Variants in USP47 observed in about 807,000 individuals in gnomAD.
The protein encoded by USP47 is ubiquitin specific peptidase 47.
Under a neutral mutation model 165.1 loss-of-function variants are expected in USP47, and 35 were observed. The ratio of observed to expected loss-of-function variants is 0.21; its 90% CI spans 0.16 to 0.28. USP47 has a LOEUF of 0.28. Among genes scored for constraint, USP47 ranks in the 10% least tolerant of loss-of-function variants. The pLI is 1.00. For missense variants in USP47, 1,277 were observed against 1,607.4 expected (o/e 0.79, Z 3.52); for synonymous variants, 531 against 544.5 (o/e 0.98, Z 0.35).
At chr11:11,870,393 AAACTC>A (rs1256721262) in intron 1 of USP47, among the ~76,000 whole-genome samples, 1 of 152,176 alleles carries the variant, frequency 6.6e-6, no homozygotes, top group African/African-American at 2.4e-5. Flanking sequence ...TCTTTAATAA[AAACTC>A]AAGAGAAGGA....
At chr11:11,886,710 C>T (rs1479553701) in intron 3 of USP47, among the ~76,000 whole-genome samples, 1 of 152,128 alleles carries the variant, frequency 6.6e-6, no homozygotes, top group Non-Finnish European at 1.5e-5. Flanking sequence ...TCTAGCAAGA[C>T]AGGCCAACAT....
intron 5 of USP47, among the ~76,000 whole-genome samples, chr11:11,900,906 C>T (rs1852184277): frequency 6.6e-6 from 1 of 152,138 alleles, no homozygotes; most frequent in East Asian, 1.9e-4. Flanking sequence ...GAAATTTGAG[C>T]ATTTTCTGTT....
intron 1 of USP47, among the ~76,000 whole-genome samples, chr11:11,853,702 A>G (rs776233886): frequency 6.6e-6 from 1 of 152,242 alleles, no homozygotes; most frequent in Non-Finnish European, 1.5e-5. Flanking sequence ...TAAAGTATCC[A>G]TGTATATGAA....
intron 16 of USP47, among the ~76,000 whole-genome samples, chr11:11,935,840 T>A (rs1449905567): frequency 6.6e-6 from 1 of 151,934 alleles, no homozygotes; most frequent in Non-Finnish European, 1.5e-5. Flanking sequence ...GTGATGGCTT[T>A]ATGAGACATG....
chr11:11,880,405 A>C (rs768003820), intron 2 of USP47, 25 bp downstream of exon 2: 18 of 1,268,712 alleles, frequency 1.4e-5, no homozygotes, highest in Non-Finnish European at 1.7e-5. Flanking sequence ...TTAAGCTTCT[A>C]AAAATGTTAT....
chr11:11,844,328 T>C (rs1848307745), intron 1 of USP47, among the ~76,000 whole-genome samples: 1 of 152,252 alleles, frequency 6.6e-6, no homozygotes, highest in African/African-American at 2.4e-5. Flanking sequence ...CTTTCTCTTC[T>C]TTTTTGTATT....
chr11:11,913,486 G>T (rs1464174422), intron 8 of USP47, among the ~76,000 whole-genome samples: 2 of 151,648 alleles, frequency 1.3e-5, no homozygotes, highest in African/African-American at 4.8e-5. Context: ...ACTTTGAAAA[G>T]ATTATGTTAA....
rs2307073 is a variant in USP47, at chr11:11,956,026, T to C, written c.3919T>C (p.Leu1307=). 243,851 of 1,580,318 alleles carry C rather than the reference T, an allele frequency of 0.15. 20,419 individuals are homozygous for C. The highest frequency in any genetic ancestry group is 0.35 in the Middle Eastern group (2,035 of 5,844). ...GGATAAAACAGAAGAATTAATGGAA[T>C]TGACAGATGAGCAAAGAAATGAACT... ...YRDKTEELME[L]TDEQRNELMK... is the part of the protein sequence containing the mutation. The change falls in exon 28 of 28, where the codon TTG becomes CTG. Residue 1307 remains leucine (L), a synonymous_variant. Coordinates refer to ENST00000527733, the MANE Select transcript of USP47 (RefSeq NM_001282659.2).
At chr11:11,842,492 C>G (rs1288846050) in intron 1 of USP47, among the ~76,000 whole-genome samples, 2 of 152,190 alleles carry the variant, frequency 1.3e-5, no homozygotes, top group African/African-American at 4.8e-5. Flanking sequence ...AGGTTCTGCT[C>G]TAGGGGAGAA....
At chr11:11,879,950 CT>C (rs1022952194) in intron 1 of USP47, among the ~76,000 whole-genome samples, 23 of 152,008 alleles carry the variant, frequency 1.5e-4, no homozygotes, top group Non-Finnish European at 3.2e-4. Flanking sequence ...ATTGTTGATT[CT>C]GAAATGTGCC....
At chr11:11,854,772 G>A (rs1179348979) in intron 1 of USP47, among the ~76,000 whole-genome samples, 3 of 147,474 alleles carry the variant, frequency 2.0e-5, no homozygotes, top group African/African-American at 7.3e-5. Flanking sequence ...ATATGATCAA[G>A]TAAGACCTAT....
At chr11:11,908,487 T>A (rs373152031) in intron 8 of USP47, among the ~76,000 whole-genome samples, 2 of 152,000 alleles carry the variant, frequency 1.3e-5, no homozygotes, top group East Asian at 3.9e-4. Flanking sequence ...ATTTCTGGAG[T>A]TGTTTTATCT....
At chr11:11,935,516 G>A (rs1201767492) in intron 16 of USP47, among the ~76,000 whole-genome samples, 1 of 151,864 alleles carries the variant, frequency 6.6e-6, no homozygotes, top group Non-Finnish European at 1.5e-5. Context: ...AATCTTATAT[G>A]CCAAAAATAG....
chr11:11,885,718 C>T (rs1194827689), intron 3 of USP47, among the ~76,000 whole-genome samples: 3 of 152,160 alleles, frequency 2.0e-5, no homozygotes, highest in African/African-American at 7.2e-5. Context: ...GGGCTGAATC[C>T]AGGGATCCAA....
chr11:11,886,201 C>T (rs1481674711), intron 3 of USP47, among the ~76,000 whole-genome samples: 2 of 152,058 alleles, frequency 1.3e-5, no homozygotes, highest in Non-Finnish European at 2.9e-5. Flanking sequence ...CTCCAGATGA[C>T]CGCAGTGCCT....
Position 11,920,152 on chromosome 11 carries a change from C to T in USP47, c.970-4C>T. 1.9e-6 allele frequency: 3 copies of T among 1,557,610 alleles called. No homozygotes were observed. Among genetic ancestry groups the T allele is most frequent in the Non-Finnish European group, 2.6e-6 (3 of 1,156,272 alleles). ...AATTATAAAACAAATTTTTTTCTAA[C>T]TAGGAAGAAGCATTGCATGCATTTA... On this transcript the variant is annotated splice_region_variant and splice_polypyrimidine_tract_variant and intron_variant, in intron 8 of 27. Transcript: ENST00000527733.
Position 11,905,478 on chromosome 11 carries a change from G to A in USP47, c.899G>A (p.Arg300Gln). 6 of 1,610,566 alleles carry A rather than the reference G, an allele frequency of 3.7e-6. No homozygotes were observed. Among genetic ancestry groups the A allele is most frequent in the Non-Finnish European group, 4.2e-6 (5 of 1,177,578 alleles). ...CTGGAATGTGGTTATGAGGGCTGGC[G>A]AATCGACACATATCTTGATATTCCA... ...RCLECGYEGW[R>Q]IDTYLDIPLV... Residue 300 changes from arginine (R) to glutamine (Q), a missense_variant, in exon 8 of 28, where the codon CGA becomes CAA. Arg to Gln is a conservative substitution (Grantham distance 43). Coordinates refer to ENST00000527733, the MANE Select transcript of USP47 (RefSeq NM_001282659.2).
At chr11:11,944,890 G>A (rs1855723304) in intron 20 of USP47, among the ~76,000 whole-genome samples, 1 of 152,172 alleles carries the variant, frequency 6.6e-6, no homozygotes, top group African/African-American at 2.4e-5. Context: ...TTGACTGGAT[G>A]ATAGTCTCAA....
intron 1 of USP47, among the ~76,000 whole-genome samples, chr11:11,845,495 G>A (rs1303775913): frequency 1.3e-5 from 2 of 151,962 alleles, no homozygotes; most frequent in East Asian, 1.9e-4. Context: ...GGTGCTTGGC[G>A]ACATCTATTA....
Sources: gnomAD v4.1 joint callset for allele counts (sites outside exome capture counted in the v4.1 genomes callset) on GRCh38, gnomAD v4.1.1 for gene constraint, MANE v1.5 for transcripts, NCBI Gene and HGNC (gene_info 2026-07-23, HGNC 2026-07-21) for gene names.